The following SYT10 variants were observed in gnomAD, a reference collection of about 807,000 sequenced individuals.
SYT10 encodes synaptotagmin-10.
Under a neutral mutation model 51.1 loss-of-function variants are expected in SYT10, and 31 were observed. The ratio of observed to expected loss-of-function variants is 0.61; its 90% CI spans 0.46 to 0.82. The LOEUF (loss-of-function observed/expected upper bound fraction) is 0.82. Among genes scored for constraint, SYT10 ranks in the 40% least tolerant of loss-of-function variants. SYT10 has a pLI of 0.00. For missense variants in SYT10, 603 were observed against 634.0 expected (o/e 0.95, Z 0.53); for synonymous variants, 233 against 225.9 (o/e 1.03, Z -0.28).
chr12:33,400,975 C>T (rs1041044100), intron 3 of SYT10, among the ~76,000 whole-genome samples: 2 of 150,184 alleles, frequency 1.3e-5, no homozygotes, highest in East Asian at 2.0e-4. Flanking sequence ...TGCAGTGAGC[C>T]GAGACCACAC....
rs1311562877 is a variant in SYT10 at position 33,374,255 on chromosome 12, A to C, written c.*2575T>G. The C allele has an allele frequency of 6.6e-6, 1 of 151,552 alleles. No individual in the cohort carries two copies. Among genetic ancestry groups the C allele is most frequent in the Non-Finnish European group, 1.5e-5 (1 of 67,794 alleles). 9.4% of individuals were successfully genotyped at this position (151,552 alleles called of 1,614,324 possible). ...ATCAACCCTTACTCTTTTTTTTCCTAGACTGATATTTGGTAAGTCCCTGAA... is the reference window on the plus strand; with the variant it reads ...ATCAACCCTTACTCTTTTTTTTCCTCGACTGATATTTGGTAAGTCCCTGAA... On this transcript the variant is annotated 3_prime_UTR_variant, in exon 7 of 7. Coordinates refer to ENST00000228567, the MANE Select transcript of SYT10 (RefSeq NM_198992.4).
intron 2 of SYT10, among the ~76,000 whole-genome samples, chr12:33,423,337 ATGTG>A (rs140116235): frequency 1.1e-4 from 16 of 148,472 alleles, no homozygotes; most frequent in African/African-American, 3.3e-4. Flanking sequence ...TGTGTGTGTT[ATGTG>A]TGTGTGTGTG....
In SYT10 at chr12:33,426,137, C is replaced by T; in HGVS notation, c.509+1G>A. 6.3e-7 allele frequency: 1 copy of T among 1,592,982 alleles called. No homozygotes were observed. Among genetic ancestry groups the T allele is most frequent in the South Asian group, 1.2e-5 (1 of 86,944 alleles). On this transcript the variant is annotated splice_donor_variant, in intron 2 of 6. Transcript: ENST00000228567. LOFTEE classifies it high-confidence loss of function. The stretch of plus-strand genomic sequence containing the variant: ...GTTTTATATATTTAATCTTTCCTTA[C>T]CGGGTTGATGACGTAGGCTCAGTAA...
intron 2 of SYT10, among the ~76,000 whole-genome samples, chr12:33,414,105 A>G (rs1443999603): frequency 3.3e-5 from 5 of 152,194 alleles, no homozygotes; most frequent in African/African-American, 1.2e-4. Context: ...ACATAATGGT[A>G]AAGGGATCAA....
At chr12:33,431,635 G>A (rs1034937368) in intron 1 of SYT10, among the ~76,000 whole-genome samples, 3 of 151,952 alleles carry the variant, frequency 2.0e-5, no homozygotes, top group South Asian at 2.1e-4. Flanking sequence ...TAGTATTGAC[G>A]GCTTGTTACA....
At chr12:33,384,591 A>C (rs979609349) in intron 4 of SYT10, among the ~76,000 whole-genome samples, 3 of 152,230 alleles carry the variant, frequency 2.0e-5, no homozygotes, top group African/African-American at 7.2e-5. Context: ...AAGAAGCATG[A>C]TGTATCTTTA....
At chr12:33,434,229 G>C (rs1383450204) in intron 1 of SYT10, among the ~76,000 whole-genome samples, 1 of 152,122 alleles carries the variant, frequency 6.6e-6, no homozygotes, top group East Asian at 1.9e-4. Flanking sequence ...AAAATCAATG[G>C]ATACCTATAT....
intron 3 of SYT10, among the ~76,000 whole-genome samples, chr12:33,394,581 C>T (rs552184053): frequency 8.5e-5 from 13 of 152,056 alleles, no homozygotes; most frequent in Non-Finnish European, 1.6e-4. Flanking sequence ...AAACATTTTA[C>T]GTTTATTATC....
At chr12:33,418,252 G>A (rs757695027) in intron 2 of SYT10, among the ~76,000 whole-genome samples, 46 of 152,156 alleles carry the variant, frequency 3.0e-4, no homozygotes, top group Non-Finnish European at 5.4e-4. Flanking sequence ...TCCTCACTTG[G>A]CTTCCAGGTT....
chr12:33,387,474 G>A (rs769731173), intron 3 of SYT10, among the ~76,000 whole-genome samples: 1 of 152,162 alleles, frequency 6.6e-6, no homozygotes, highest in Non-Finnish European at 1.5e-5. Flanking sequence ...CTACTGTATT[G>A]CTAGCACATA....
intron 1 of SYT10, among the ~76,000 whole-genome samples, chr12:33,432,084 T>C (rs896346805): frequency 3.9e-5 from 6 of 152,160 alleles, no homozygotes; most frequent in Non-Finnish European, 5.9e-5. Context: ...ATTTCTTTTA[T>C]GTTTTCCTTC....
chr12:33,405,631 T>TA (rs958558477), intron 3 of SYT10: 1 of 151,946 alleles, frequency 6.6e-6, no homozygotes, highest in Non-Finnish European at 1.5e-5. Flanking sequence ...CTATTTTGAA[T>TA]AAAAAAATGC....
intron 1 of SYT10, among the ~76,000 whole-genome samples, chr12:33,429,039 G>A (rs1329318724): frequency 6.6e-6 from 1 of 152,148 alleles, no homozygotes; most frequent in African/African-American, 2.4e-5. Context: ...GTTGATGAAG[G>A]TGTTTTCATT....
intron 2 of SYT10, among the ~76,000 whole-genome samples, chr12:33,420,456 A>G (rs1280657559): frequency 2.6e-5 from 4 of 151,900 alleles, no homozygotes; most frequent in Admixed American, 6.6e-5. Context: ...AGACCAGCTT[A>G]GGCAACACTT....
chr12:33,422,903 T>C (rs561350789), intron 2 of SYT10, among the ~76,000 whole-genome samples: 1 of 152,260 alleles, frequency 6.6e-6, no homozygotes, highest in African/African-American at 2.4e-5. Context: ...TCACAGATCC[T>C]TAGAGTTTTT....
intron 5 of SYT10, 149 bp from the exon 6 acceptor site, chr12:33,380,110 T>C (rs1266911376): frequency 9.9e-6 from 8 of 805,834 alleles, no homozygotes; most frequent in African/African-American, 1.7e-5. Context: ...TGAAATCTCT[T>C]AAGTAAATCA....
chr12:33,421,501 C>T (rs1232593273), intron 2 of SYT10, among the ~76,000 whole-genome samples: 1 of 152,150 alleles, frequency 6.6e-6, no homozygotes, highest in Non-Finnish European at 1.5e-5. Context: ...TCATTAACCT[C>T]TTTCTAATAG....
intron 2 of SYT10, among the ~76,000 whole-genome samples, chr12:33,411,213 C>T (rs1866401651): frequency 6.6e-6 from 1 of 152,154 alleles, no homozygotes; most frequent in African/African-American, 2.4e-5. Flanking sequence ...AATTATTCTA[C>T]TAAATAACCA....
chr12:33,390,483 CCTA>C (rs1866194683), intron 3 of SYT10, among the ~76,000 whole-genome samples: 1 of 152,006 alleles, frequency 6.6e-6, no homozygotes, highest in Non-Finnish European at 1.5e-5. Context: ...ACATGTGGCC[CCTA>C]CTAATCTAGT....
Sources: allele counts gnomAD v4.1 joint callset (sites outside exome capture counted in the v4.1 genomes callset), GRCh38; gene constraint gnomAD v4.1.1; transcripts MANE v1.5; gene names NCBI Gene and HGNC (gene_info 2026-07-23, HGNC 2026-07-21).